Variants in SLC24A2 observed in about 807,000 individuals in gnomAD.
SLC24A2 encodes solute carrier family 24 member 2.
In SLC24A2, 36 loss-of-function variants were observed where a neutral mutation model predicts 62.0. That is an observed-to-expected ratio of 0.58 (90% CI 0.44 to 0.77). The LOEUF (loss-of-function observed/expected upper bound fraction) is 0.77. Among genes scored for constraint, SLC24A2 ranks in the 30% least tolerant of loss-of-function variants. SLC24A2 has a pLI of 0.00. For missense variants in SLC24A2, 846 were observed against 817.9 expected (o/e 1.03, Z -0.42); for synonymous variants, 358 against 294.0 (o/e 1.22, Z -2.23).
At chr9:20,045,005 CCTGA>C in the SLC24A2 span, among the ~76,000 whole-genome samples, 1 of 152,068 alleles carries the variant, frequency 6.6e-6, no homozygotes, top group African/African-American at 2.4e-5. Context: ...TCTCTTGCTG[CCTGA>C]CTAGCTTCTA....
intron 2 of SLC24A2, among the ~76,000 whole-genome samples, chr9:19,689,462 C>T (rs970254421): frequency 6.6e-6 from 1 of 152,150 alleles, no homozygotes; most frequent in Non-Finnish European, 1.5e-5. Flanking sequence ...TTGGGCACTT[C>T]TTTCAACATG....
the SLC24A2 span, among the ~76,000 whole-genome samples, chr9:19,834,368 A>T: frequency 6.6e-6 from 1 of 152,170 alleles, no homozygotes; most frequent in African/African-American, 2.4e-5. Flanking sequence ...ACCAATGCAG[A>T]GAAGTCCTTA....
chr9:20,282,364 C>T, the SLC24A2 span, among the ~76,000 whole-genome samples: 1 of 152,092 alleles, frequency 6.6e-6, no homozygotes, highest in African/African-American at 2.4e-5. Context: ...TTTCTAATTT[C>T]AAAAATTTGA....
At chr9:19,844,329 T>C in the SLC24A2 span, among the ~76,000 whole-genome samples, 1 of 152,174 alleles carries the variant, frequency 6.6e-6, no homozygotes, top group Non-Finnish European at 1.5e-5. Context: ...TTTTGAGCAG[T>C]GTCTGTTCAT....
At chr9:20,051,416 T>A in the SLC24A2 span, among the ~76,000 whole-genome samples, 2 of 152,038 alleles carry the variant, frequency 1.3e-5, no homozygotes, top group Non-Finnish European at 2.9e-5. Context: ...ATTTTATATA[T>A]CTCAGTATTT....
At chr9:19,663,780 C>T (rs1470454693) in intron 2 of SLC24A2, among the ~76,000 whole-genome samples, 2 of 152,188 alleles carry the variant, frequency 1.3e-5, no homozygotes, top group African/African-American at 4.8e-5. Context: ...ATGCCTGGCA[C>T]CATGGTTGCT....
At chr9:19,652,869 A>C (rs893079682) in intron 2 of SLC24A2, among the ~76,000 whole-genome samples, 7 of 151,828 alleles carry the variant, frequency 4.6e-5, no homozygotes, top group African/African-American at 1.7e-4. Context: ...ATATTCGTGA[A>C]GCCCCTGCTA....
At chr9:19,567,495 G>T (rs1412259377) in intron 7 of SLC24A2, among the ~76,000 whole-genome samples, 1 of 142,070 alleles carries the variant, frequency 7.0e-6, no homozygotes, top group Non-Finnish European at 1.5e-5. Flanking sequence ...GCAGTGAGCC[G>T]AGATAGTGCC....
intron 2 of SLC24A2, among the ~76,000 whole-genome samples, chr9:19,775,358 G>T (rs941665672): frequency 6.6e-6 from 1 of 152,224 alleles, no homozygotes; most frequent in African/African-American, 2.4e-5. Flanking sequence ...AACCAAGAAT[G>T]ACTGGAGGCT....
At chr9:19,553,892 T>C (rs1272990855) in intron 7 of SLC24A2, among the ~76,000 whole-genome samples, 1 of 152,248 alleles carries the variant, frequency 6.6e-6, no homozygotes, top group Non-Finnish European at 1.5e-5. Context: ...ACTGCTTGTC[T>C]TCCCGTATCT....
chr9:20,079,171 G>T, the SLC24A2 span, among the ~76,000 whole-genome samples: 1 of 151,360 alleles, frequency 6.6e-6, no homozygotes, highest in Non-Finnish European at 1.5e-5. Flanking sequence ...GAGTTATGCA[G>T]CCACCAGAAG....
chr9:19,769,217 C>T (rs896896548), intron 2 of SLC24A2, among the ~76,000 whole-genome samples: 8 of 152,192 alleles, frequency 5.3e-5, no homozygotes, highest in African/African-American at 9.6e-5. Flanking sequence ...GTGTCACCCT[C>T]GATTTCTCTC....
chr9:19,706,973 T>G (rs1349839570), intron 2 of SLC24A2, among the ~76,000 whole-genome samples: 6 of 151,628 alleles, frequency 4.0e-5, no homozygotes, highest in African/African-American at 1.5e-4. Flanking sequence ...AGGAGCTGGT[T>G]TTTTGAAAGG....
At chr9:19,835,586 C>T in the SLC24A2 span, among the ~76,000 whole-genome samples, 89 of 152,216 alleles carry the variant, frequency 5.8e-4, no homozygotes, top group East Asian at 0.012. Context: ...CAAGTCCTTA[C>T]TGACCTACAA....
chr9:19,962,661 G>A, the SLC24A2 span, among the ~76,000 whole-genome samples: 1 of 152,138 alleles, frequency 6.6e-6, no homozygotes, highest in African/African-American at 2.4e-5. Context: ...TTGGCTCTCT[G>A]TCTGTTATTG....
At chr9:20,284,086 T>C in the SLC24A2 span, among the ~76,000 whole-genome samples, 1 of 152,158 alleles carries the variant, frequency 6.6e-6, no homozygotes, top group African/African-American at 2.4e-5. Context: ...ATCATTTCTA[T>C]AGAGGCAATG....
At chr9:19,550,727 T>G (rs1834804258) in intron 7 of SLC24A2, among the ~76,000 whole-genome samples, 1 of 147,846 alleles carries the variant, frequency 6.8e-6, no homozygotes, top group South Asian at 2.2e-4. Flanking sequence ...TTTGGAACAC[T>G]GATTTTCATC....
the SLC24A2 span, among the ~76,000 whole-genome samples, chr9:20,226,194 C>T: frequency 6.6e-6 from 1 of 152,052 alleles, no homozygotes; most frequent in South Asian, 2.1e-4. Flanking sequence ...TAGTCTTCTT[C>T]CATCTCCCAT....
chr9:19,922,117 A>G, the SLC24A2 span, among the ~76,000 whole-genome samples: 143 of 152,308 alleles, frequency 9.4e-4, no homozygotes, highest in Admixed American at 1.6e-3. Flanking sequence ...GCCTGTTCCC[A>G]TTGTTTCAGG....
Sources: allele counts gnomAD v4.1 joint callset (sites outside exome capture counted in the v4.1 genomes callset), GRCh38; gene constraint gnomAD v4.1.1; transcripts MANE v1.5; gene names NCBI Gene and HGNC (gene_info 2026-07-23, HGNC 2026-07-21).